The following SLAIN2 variants were observed in gnomAD, a reference collection of about 807,000 sequenced individuals.
SLAIN2 encodes the protein SLAIN motif-containing protein 2.
SLAIN2 carries 31 observed loss-of-function variants against 56.6 expected under a neutral mutation model. That is an observed-to-expected ratio of 0.55 (90% confidence interval 0.41 to 0.74). The LOEUF is 0.74. Among genes scored for constraint, SLAIN2 ranks in the 30% least tolerant of loss-of-function variants. The probability of loss-of-function intolerance (pLI) is 0.00; values close to 1 mark genes in which losing one functional copy is unlikely to be tolerated. For missense variants in SLAIN2, 777 were observed against 754.2 expected, an observed-to-expected ratio of 1.03 and a Z score of -0.35; for synonymous variants, 317 against 284.9, an observed-to-expected ratio of 1.11 and a Z score of -1.13.
chr4:48,390,866 A>G (rs1716222343), intron 6 of SLAIN2, among the ~76,000 whole-genome samples: 1 of 152,214 alleles, frequency 6.6e-6, no homozygotes, highest in Non-Finnish European at 1.5e-5. Context: ...ATGGAAGAAC[A>G]CTATCTTTAA....
intron 6 of SLAIN2, among the ~76,000 whole-genome samples, chr4:48,412,038 C>T (rs13141335): frequency 0.29 from 43,705 of 151,926 alleles, 6,550 homozygotes; most frequent in South Asian, 0.48. Context: ...ACACCAATGC[C>T]GGTACCATCT....
rs527898119 is a variant in SLAIN2, at chr4:48,346,797, G to A, written c.389+4669G>A. On this transcript the variant is annotated intron_variant, in intron 1 of 7. Transcript: ENST00000264313. Reference sequence around the variant, plus strand: ...GTTTGTGTATGTGTGTGGGTTAGATGAATCAGAAGTTAGACATCTAATAAG... The same window carrying A: ...GTTTGTGTATGTGTGTGGGTTAGATAAATCAGAAGTTAGACATCTAATAAG... Among the ~76,000 whole-genome samples the A allele has an allele frequency of 6.7e-5, 10 of 149,968 alleles. No homozygotes were observed. In the South Asian group the frequency reaches 1.5e-3, roughly 22 times the overall value.
At chr4:48,358,539 C>T (rs1715226273) in intron 1 of SLAIN2, among the ~76,000 whole-genome samples, 1 of 152,106 alleles carries the variant, frequency 6.6e-6, no homozygotes, top group Non-Finnish European at 1.5e-5. Context: ...TGGTCTCGAA[C>T]TCCTGACCTC....
chr4:48,354,372 G>T (rs1715095793), intron 1 of SLAIN2, among the ~76,000 whole-genome samples: 1 of 152,112 alleles, frequency 6.6e-6, no homozygotes, highest in African/African-American at 2.4e-5. Context: ...AAAAGTTAAG[G>T]GATTAGAGTG....
At chr4:48,377,777 G>T in intron 2 of SLAIN2, 119 bp from the exon 3 acceptor site, 1 of 994,280 alleles carries the variant, frequency 1.0e-6, no homozygotes, top group Admixed American at 2.7e-5. Context: ...ACTACCATAA[G>T]AATATTTCTT....
chr4:48,362,661 C>T (rs1333708602), intron 1 of SLAIN2, among the ~76,000 whole-genome samples: 1 of 150,748 alleles, frequency 6.6e-6, no homozygotes, highest in African/African-American at 2.4e-5. Flanking sequence ...CCTTGTGATC[C>T]GCCCACCTCA....
chr4:48,342,210 G>A, intron 1 of SLAIN2, 82 bp downstream of exon 1: 2 of 1,321,758 alleles, frequency 1.5e-6, no homozygotes, highest in Non-Finnish European at 1.9e-6. Flanking sequence ...CTCTGGTCGG[G>A]CGCCTCGCTT....
intron 4 of SLAIN2, among the ~76,000 whole-genome samples, chr4:48,381,846 A>C (rs1455559738): frequency 2.0e-5 from 3 of 152,154 alleles, no homozygotes; most frequent in African/African-American, 7.2e-5. Context: ...TTCTTCATTG[A>C]CTATGTTACG....
intron 6 of SLAIN2, among the ~76,000 whole-genome samples, chr4:48,392,619 C>G (rs1716265218): frequency 6.6e-6 from 1 of 152,040 alleles, no homozygotes; most frequent in Non-Finnish European, 1.5e-5. Flanking sequence ...TTGCTTTTCC[C>G]TCTATCTGGA....
intron 1 of SLAIN2, among the ~76,000 whole-genome samples, chr4:48,347,622 A>G (rs1280446978): frequency 1.3e-5 from 2 of 152,244 alleles, no homozygotes; most frequent in Admixed American, 6.5e-5. Flanking sequence ...TGTAAAATAT[A>G]ACAAAATTTA....
intron 2 of SLAIN2, among the ~76,000 whole-genome samples, chr4:48,375,992 T>G (rs1715800056): frequency 6.6e-6 from 1 of 152,264 alleles, no homozygotes; most frequent in Non-Finnish European, 1.5e-5. Context: ...TTTGCACCTT[T>G]ATGATAGTAC....
chr4:48,407,836 T>C (rs749483688), intron 6 of SLAIN2, among the ~76,000 whole-genome samples: 8 of 152,194 alleles, frequency 5.3e-5, no homozygotes, highest in African/African-American at 9.6e-5. Flanking sequence ...CCCATACTTA[T>C]TAATAGAACT....
intron 6 of SLAIN2, among the ~76,000 whole-genome samples, chr4:48,387,190 C>A (rs750962422): frequency 6.6e-6 from 1 of 152,026 alleles, no homozygotes; most frequent in Non-Finnish European, 1.5e-5. Context: ...AAAAATAATT[C>A]TTCACAAAAA....
Position 48,383,664 on chromosome 4 carries a change from C to A in SLAIN2, c.1240C>A (p.Leu414Ile), listed in dbSNP as rs776351659. ...VKNEEKLRRS[L>I]PNLSRTSNTQ... The stretch of plus-strand genomic sequence containing the variant: ...TGTTGCAGAAAAACTAAGACGCAGT[C>A]TTCCAAACCTGTCCCGAACATCTAA... The change falls in exon 6 of 8, where the codon CTT (leucine) becomes ATT (isoleucine). Residue 414 changes from leucine (L) to isoleucine (I), a missense_variant. Leu to Ile is a conservative substitution (Grantham distance 5). Coordinates refer to ENST00000264313, the MANE Select transcript of SLAIN2 (RefSeq NM_020846.2). 6.3e-7 allele frequency: 1 copy of A among 1,594,882 alleles called. No individual in the cohort carries two copies. The highest frequency in any genetic ancestry group is 8.6e-7 in the Non-Finnish European group (1 of 1,168,894).
At chr4:48,348,455 A>G (rs1714927465) in intron 1 of SLAIN2, among the ~76,000 whole-genome samples, 1 of 152,182 alleles carries the variant, frequency 6.6e-6, no homozygotes, top group Non-Finnish European at 1.5e-5. Flanking sequence ...TGAGAGGCCA[A>G]GGCAGACAGA....
chr4:48,348,252 TA>T (rs140882282), intron 1 of SLAIN2, among the ~76,000 whole-genome samples: 4,778 of 152,240 alleles, frequency 0.031, 83 homozygotes, highest in Admixed American at 0.046. Flanking sequence ...TGCACTACCC[TA>T]AAAAAATTGT....
chr4:48,356,094 A>G (rs1182514082), intron 1 of SLAIN2, among the ~76,000 whole-genome samples: 6 of 152,214 alleles, frequency 3.9e-5, no homozygotes, highest in Non-Finnish European at 8.8e-5. Flanking sequence ...TTGACAAACT[A>G]TTAAAAGTCA....
intron 1 of SLAIN2, among the ~76,000 whole-genome samples, chr4:48,362,865 A>T (rs1424530410): frequency 9.7e-6 from 1 of 103,588 alleles, no homozygotes; most frequent in Non-Finnish European, 1.9e-5. Context: ...CAGATAAACA[A>T]GTGAACAAAG....
chr4:48,363,934 CACCT>C (rs1314649776), intron 1 of SLAIN2, among the ~76,000 whole-genome samples: 3 of 125,132 alleles, frequency 2.4e-5, no homozygotes, highest in South Asian at 2.7e-4. Context: ...CTGACCCCCC[CACCT>C]CCCTCCCGGA....
Sources: gnomAD v4.1 joint callset for allele counts (sites outside exome capture counted in the v4.1 genomes callset) on GRCh38, gnomAD v4.1.1 for gene constraint, MANE v1.5 for transcripts, NCBI Gene and HGNC (gene_info 2026-07-23, HGNC 2026-07-21) for gene names.